Variants in DGKD observed in about 807,000 individuals in gnomAD.
DGKD encodes the protein diacylglycerol kinase delta.
In DGKD, 68 loss-of-function variants were observed where a neutral mutation model predicts 154.4. The ratio of observed to expected loss-of-function variants is 0.44; its 90% CI spans 0.36 to 0.54. DGKD has a LOEUF of 0.54. Ranked by LOEUF, DGKD falls within the 20% of genes least tolerant of loss-of-function variation. The pLI, the probability that DGKD is intolerant of heterozygous loss-of-function variation, is 0.00. For synonymous variants in DGKD, 693 were observed against 638.0 expected (o/e 1.09, Z -1.30); for missense variants, 1,343 against 1,593.6 (o/e 0.84, Z 2.68).
At chr2:233,421,265 A>C (rs2062105089) in intron 3 of DGKD, among the ~76,000 whole-genome samples, 1 of 151,988 alleles carries the variant, frequency 6.6e-6, no homozygotes, top group African/African-American at 2.4e-5. Context: ...AGCAGCACCC[A>C]GCCAGCTGCT....
At position 233,437,455 on chromosome 2, in the gene DGKD, G is replaced by A; in HGVS notation, c.898G>A (p.Ala300Thr). 5 of 1,614,180 alleles carry A rather than the reference G, an allele frequency of 3.1e-6. 1 individual carries two copies. The highest frequency in any genetic ancestry group is 2.7e-5 in the African/African-American group (2 of 75,050). Residue 300 changes from alanine to threonine, a missense_variant, in exon 8 of 30, where the codon GCT becomes ACT. This residue lies in a region of DGKD where 332 missense variants were observed against 400.1 expected (regional missense o/e 0.83). Coordinates refer to ENST00000264057, the MANE Select transcript of DGKD (RefSeq NM_152879.3). ...CAAAGTGTCAGTCATCCCACCCACG[G>A]CTCTCAACAGCATCGACTCCGATGG... ...LCKVSVIPPT[A>T]LNSIDSDGFW...
intron 1 of DGKD, among the ~76,000 whole-genome samples, chr2:233,365,441 C>T (rs2125385425): frequency 6.6e-6 from 1 of 152,154 alleles, no homozygotes; most frequent in South Asian, 2.1e-4. Context: ...GGGGGGGTCT[C>T]ACCGTCTTGG....
chr2:233,409,264 A>T (rs2061762661), intron 3 of DGKD, among the ~76,000 whole-genome samples: 1 of 152,214 alleles, frequency 6.6e-6, no homozygotes, highest in Non-Finnish European at 1.5e-5. Flanking sequence ...AGTGTAGCGT[A>T]CTTGTTAATT....
In DGKD at chr2:233,354,895, G is replaced by C. The variant is rs919048129; in HGVS notation, c.156+221G>C. Among the ~76,000 whole-genome samples the C allele has an allele frequency of 2.3e-3, 329 of 145,272 alleles. 1 individual carries two copies. The highest frequency in any genetic ancestry group is 4.1e-3 in the Non-Finnish European group (270 of 65,518). ...ACGGACGGCGGGCGGCTGTGGGGCC[G>C]GGCGGGGGGCGCGCAGGTGGGCGCC... On this transcript the variant is annotated intron_variant, in intron 1 of 29. Transcript: ENST00000264057. This position sits in a 1 kb window ranked among gnomAD's most constrained non-coding sequence, Gnocchi z 4.8.
At chr2:233,429,285 C>T (rs763196118) in intron 3 of DGKD, 14 of 985,164 alleles carry the variant, frequency 1.4e-5, no homozygotes, top group South Asian at 4.7e-5. Context: ...ATATAATCCC[C>T]GAGTTATGCA....
Position 233,436,432 on chromosome 2 carries a change from C to T in DGKD, c.810C>T (p.Cys270=), listed in dbSNP as rs945377670. The T allele has an allele frequency of 3.1e-6, 5 of 1,612,888 alleles. No homozygotes were observed. The highest frequency in any genetic ancestry group is 3.4e-6 in the Non-Finnish European group (4 of 1,179,932). Residue 270 remains cysteine, a synonymous_variant, in exon 7 of 30, where the codon TGC becomes TGT. Transcript: ENST00000264057. ...LRLQDWRCLW[C]KAMVHTSCKE... ...TGCAGGACTGGCGCTGCCTCTGGTG[C>T]AAGGCCATGGTGAGTGTGGGCCCTG...
At position 233,451,029 on chromosome 2, in the gene DGKD, A is replaced by G; in HGVS notation, c.2146A>G (p.Asn716Asp). 6.2e-7 allele frequency: 1 copy of G among 1,611,754 alleles called. No individual in the cohort carries two copies. The change falls in exon 17 of 30, where the codon AAC (asparagine) becomes GAC (aspartate). Residue 716 changes from asparagine (N) to aspartate (D), a missense_variant. Coordinates refer to ENST00000264057, the MANE Select transcript of DGKD (RefSeq NM_152879.3). ...AAGCCGGGACGGCCTGCCTGCGCTC[A>G]ACACCAAGATCCTGTACCCAAGTGA... ...PGSRDGLPAL[N>D]TKILYPNVRA...
In DGKD at chr2:233,462,407, A is replaced by G. The variant is rs777876007; in HGVS notation, c.3041A>G (p.Asn1014Ser). 4.4e-6 allele frequency: 7 copies of G among 1,604,568 alleles called. No individual in the cohort carries two copies. Among genetic ancestry groups the G allele is most frequent in the Admixed American group, 1.7e-5 (1 of 59,874 alleles). Residue 1014 changes from asparagine to serine, a missense_variant, in exon 25 of 30, where the codon AAT (asparagine) becomes AGT (serine). This residue lies in a region of DGKD where 429 missense variants were observed against 496.3 expected (regional missense o/e 0.86). Transcript: ENST00000264057. ...GAGCAGGAACTGGCCCACGCCGTCAATGCCAGCTCCAAGTCCATGGACCGT... is the reference window on the plus strand; with the variant it reads ...GAGCAGGAACTGGCCCACGCCGTCAGTGCCAGCTCCAAGTCCATGGACCGT... ...DMEQELAHAVNASSKSMDRVY... is the reference protein window; with the variant it reads ...DMEQELAHAVSASSKSMDRVY...
At chr2:233,396,331 A>G (rs1406402851) in intron 3 of DGKD, among the ~76,000 whole-genome samples, 1 of 152,012 alleles carries the variant, frequency 6.6e-6, no homozygotes, top group African/African-American at 2.4e-5. Flanking sequence ...ACTTGAAAAA[A>G]CGAATTCTGG....
At chr2:233,393,547 A>G (rs1703786445) in intron 3 of DGKD, among the ~76,000 whole-genome samples, 1 of 151,318 alleles carries the variant, frequency 6.6e-6, no homozygotes, top group African/African-American at 2.4e-5. Context: ...CATGTTGTCT[A>G]GGCTGGTCTT....
rs1409723755 is a variant in DGKD at position 233,471,365 on chromosome 2, A to G, written c.*1905A>G. ...TAGATGGGGGTTGGCAGAGGGAGAA[A>G]TAAGCCAGCCACGGCAGTCGCTTGG... On this transcript the variant is annotated 3_prime_UTR_variant, in exon 30 of 30. Coordinates refer to ENST00000264057, the MANE Select transcript of DGKD (RefSeq NM_152879.3). The G allele has an allele frequency of 6.6e-6, 1 of 152,420 alleles. No homozygotes were observed. The highest frequency in any genetic ancestry group is 1.5e-5 in the Non-Finnish European group (1 of 68,090). 9.4% of individuals were successfully genotyped at this position (152,420 alleles called of 1,614,324 possible).
At chr2:233,362,094 A>T (rs886123165) in intron 1 of DGKD, among the ~76,000 whole-genome samples, 3 of 152,180 alleles carry the variant, frequency 2.0e-5, no homozygotes, top group African/African-American at 7.2e-5. Context: ...CACCTCACCC[A>T]GCCAATAAAA....
intron 12 of DGKD, 92 bp from the exon 13 acceptor site, chr2:233,447,994 GC>G: frequency 3.8e-6 from 6 of 1,582,604 alleles, no homozygotes; most frequent in Non-Finnish European, 5.1e-6. Flanking sequence ...CCCAGCTTGT[GC>G]TGGCAAGGAA....
In DGKD at chr2:233,457,391, G is replaced by C; in HGVS notation, c.2580+63G>C. 8.1e-7 allele frequency: 1 copy of C among 1,237,930 alleles called. No homozygotes were observed. The highest frequency in any genetic ancestry group is 1.2e-6 in the Non-Finnish European group (1 of 843,040). The allele number at this position is 1,237,930 out of a possible 1,614,324, so 76.7% of individuals were successfully genotyped here. A position where few individuals can be genotyped will look rare whatever the true frequency, so the allele number is the denominator to read the frequency against. ...TGGGGAAGAGCTGTCTGAGAGCAGG[G>C]GGGTGTTCTGCTGTGGCTGGGGTGG... On this transcript the variant is annotated intron_variant, in intron 21 of 29. Coordinates refer to ENST00000264057, the MANE Select transcript of DGKD (RefSeq NM_152879.3). The surrounding 1 kb of genome is among the most constrained non-coding windows in gnomAD (Gnocchi z 5.5).
chr2:233,426,292 A>G (rs1372600518), intron 3 of DGKD, among the ~76,000 whole-genome samples: 1 of 151,922 alleles, frequency 6.6e-6, no homozygotes, highest in African/African-American at 2.4e-5. Flanking sequence ...AGCTCTGCAC[A>G]CTTTTCTTTT....
chr2:233,397,447 G>A (rs1218790441), intron 3 of DGKD, among the ~76,000 whole-genome samples: 3 of 139,798 alleles, frequency 2.1e-5, no homozygotes, highest in African/African-American at 8.0e-5. Flanking sequence ...GCTGGCAGAG[G>A]CCAGAGTGAG....
At chr2:233,424,470 T>C (rs1479356770) in intron 3 of DGKD, among the ~76,000 whole-genome samples, 1 of 152,224 alleles carries the variant, frequency 6.6e-6, no homozygotes, top group East Asian at 1.9e-4. Context: ...AATGAGATGT[T>C]GGTATCGTCC....
intron 3 of DGKD, among the ~76,000 whole-genome samples, chr2:233,426,398 C>T (rs1051555892): frequency 2.6e-5 from 4 of 152,166 alleles, no homozygotes; most frequent in Non-Finnish European, 5.9e-5. Flanking sequence ...TCATTACAGA[C>T]GCACAGCTTG....
chr2:233,434,338 GCCTTTT>G, intron 3 of DGKD, 36 bp from the exon 4 acceptor site: 1 of 1,515,238 alleles, frequency 6.6e-7, no homozygotes, highest in Non-Finnish European at 9.1e-7. Context: ...ATCAGCACTT[GCCTTTT>G]GTTCATGGAT....
Sources: allele counts gnomAD v4.1 joint callset (sites outside exome capture counted in the v4.1 genomes callset), GRCh38; gene constraint gnomAD v4.1.1; regional missense constraint gnomAD v4.1.1; non-coding constraint Gnocchi (gnomAD v3.1); transcripts MANE v1.5; gene names NCBI Gene and HGNC (gene_info 2026-07-23, HGNC 2026-07-21).